Variants in DSCAML1 observed in about 807,000 individuals in gnomAD.
DSCAML1 encodes the protein DS cell adhesion molecule like 1, also known as cell adhesion molecule DSCAML1.
A neutral mutation model predicts 200.5 loss-of-function variants in DSCAML1; 38 were observed. The ratio of observed to expected loss-of-function variants is 0.19; its 90% CI spans 0.15 to 0.25. The LOEUF is 0.25. DSCAML1 is among the 10% of genes least tolerant of loss of function. The pLI, the probability that DSCAML1 is intolerant of heterozygous loss-of-function variation, is 1.00. For missense variants in DSCAML1, 2,223 were observed against 2,858.8 expected, an observed-to-expected ratio of 0.78 and a Z score of 5.07; for synonymous variants, 1,215 against 1,165.0, an observed-to-expected ratio of 1.04 and a Z score of -0.87.
At chr11:117,490,087 G>A (rs191886768) in intron 11 of DSCAML1, among the ~76,000 whole-genome samples, 10 of 152,242 alleles carry the variant, frequency 6.6e-5, no homozygotes, top group Admixed American at 1.3e-4. Flanking sequence ...AGATGGGCAG[G>A]CACCCCTCAA....
chr11:117,428,874 C>T, intron 32 of DSCAML1, 71 bp from the exon 33 acceptor site: 1 of 1,398,476 alleles, frequency 7.2e-7, no homozygotes, highest in Non-Finnish European at 9.7e-7. Context: ...CAGCCCCCAC[C>T]CCATCCCCTG....
intron 3 of DSCAML1, among the ~76,000 whole-genome samples, chr11:117,679,257 G>T (rs1426925425): frequency 6.6e-6 from 1 of 152,162 alleles, no homozygotes; most frequent in East Asian, 1.9e-4. Flanking sequence ...TGCCCTAGAG[G>T]CCCAGGCAGA....
intron 3 of DSCAML1, among the ~76,000 whole-genome samples, chr11:117,556,578 A>C (rs1453039840): frequency 6.6e-6 from 1 of 152,138 alleles, no homozygotes; most frequent in Admixed American, 6.5e-5. Flanking sequence ...GGGTGGTGGA[A>C]AAAGGTGAAG....
intron 3 of DSCAML1, among the ~76,000 whole-genome samples, chr11:117,560,711 G>C (rs939781025): frequency 6.6e-6 from 1 of 152,210 alleles, no homozygotes; most frequent in African/African-American, 2.4e-5. Context: ...CTGAGACTCA[G>C]AGTGTCAGAG....
At chr11:117,719,714 A>C (rs747677856) in intron 3 of DSCAML1, among the ~76,000 whole-genome samples, 5 of 152,236 alleles carry the variant, frequency 3.3e-5, no homozygotes, top group African/African-American at 1.2e-4. Context: ...ACAGCTCAAA[A>C]GTGGCAGAGC....
chr11:117,790,995 G>A (rs144756133), intron 1 of DSCAML1, among the ~76,000 whole-genome samples: 2 of 152,364 alleles, frequency 1.3e-5, no homozygotes, highest in Non-Finnish European at 2.9e-5. Flanking sequence ...GTTAGTGCAA[G>A]CATCATGTAG....
chr11:117,596,129 T>TA (rs1378306630), intron 3 of DSCAML1, among the ~76,000 whole-genome samples: 2 of 152,174 alleles, frequency 1.3e-5, no homozygotes, highest in Admixed American at 1.3e-4. Context: ...TTCACAGCCC[T>TA]AAACAAAATT....
chr11:117,461,368 C>T (rs190010759), intron 18 of DSCAML1, 82 bp downstream of exon 18: 1 of 1,583,216 alleles, frequency 6.3e-7, no homozygotes, highest in East Asian at 2.2e-5. Flanking sequence ...GGAGGATGCT[C>T]AGCTCTAACT....
At chr11:117,790,408 C>G (rs2055439238) in intron 1 of DSCAML1, among the ~76,000 whole-genome samples, 1 of 152,238 alleles carries the variant, frequency 6.6e-6, no homozygotes, top group Non-Finnish European at 1.5e-5. Flanking sequence ...CTATTGCCAG[C>G]CTGGCTGTGC....
intron 3 of DSCAML1, among the ~76,000 whole-genome samples, chr11:117,773,178 C>T (rs778391243): frequency 3.0e-4 from 46 of 152,166 alleles, no homozygotes; most frequent in African/African-American, 8.7e-4. Context: ...CAGAAAGAGG[C>T]GTGGGAGAGC....
intron 3 of DSCAML1, among the ~76,000 whole-genome samples, chr11:117,674,915 A>G (rs1473243630): frequency 1.3e-5 from 2 of 152,170 alleles, no homozygotes; most frequent in African/African-American, 4.8e-5. Flanking sequence ...TAAGAACCAC[A>G]TGGAATGATC....
chr11:117,777,297 A>G (rs1042585787), intron 2 of DSCAML1, among the ~76,000 whole-genome samples: 3 of 152,222 alleles, frequency 2.0e-5, no homozygotes, highest in African/African-American at 7.2e-5. Context: ...CTGCAATGTT[A>G]TATTCACCAA....
intron 3 of DSCAML1, among the ~76,000 whole-genome samples, chr11:117,604,422 G>T (rs1439468975): frequency 6.6e-6 from 1 of 151,738 alleles, no homozygotes; most frequent in African/African-American, 2.4e-5. Context: ...CCCAGCGCCT[G>T]CCCCTCCCTC....
At chr11:117,549,141 C>A (rs527600591) in intron 3 of DSCAML1, among the ~76,000 whole-genome samples, 3 of 152,310 alleles carry the variant, frequency 2.0e-5, no homozygotes, top group Admixed American at 6.5e-5. Flanking sequence ...CACCTTCCCA[C>A]TCCGGGGGTC....
At chr11:117,737,505 G>A (rs1459941626) in intron 3 of DSCAML1, among the ~76,000 whole-genome samples, 1 of 152,212 alleles carries the variant, frequency 6.6e-6, no homozygotes, top group Non-Finnish European at 1.5e-5. Context: ...TCCAAGACCG[G>A]GACAGCAGGA....
chr11:117,683,312 T>C (rs146250161), intron 3 of DSCAML1, among the ~76,000 whole-genome samples: 282 of 152,332 alleles, frequency 1.9e-3, no homozygotes, highest in African/African-American at 6.4e-3. Flanking sequence ...CGTCCCAGCC[T>C]GCATCTTTTC....
intron 3 of DSCAML1, among the ~76,000 whole-genome samples, chr11:117,575,570 T>G (rs891330492): frequency 6.6e-6 from 1 of 152,210 alleles, no homozygotes; most frequent in Non-Finnish European, 1.5e-5. Flanking sequence ...GACTCCTGCA[T>G]GAGAAGAGCT....
At position 117,437,026 on chromosome 11, in the gene DSCAML1, A is replaced by G. The variant is rs1314482765; in HGVS notation, c.4720+96T>C. On this transcript the variant is annotated intron_variant, in intron 26 of 32. Transcript: ENST00000651296. The surrounding 1 kb of genome is among the most constrained non-coding windows in gnomAD (Gnocchi z 5.3). ...CACCTGCATTCCTGCCTGTTTTTCT[A>G]TTAGTCTGTCTCTTTATGTATCTGC... 1.8e-5 allele frequency: 26 copies of G among 1,467,712 alleles called. No individual in the cohort carries two copies. The highest frequency in any genetic ancestry group is 2.3e-5 in the Non-Finnish European group (25 of 1,097,504). The allele number at this position is 1,467,712 out of a possible 1,614,324, so 90.9% of individuals were successfully genotyped here.
At chr11:117,783,928 C>G (rs1249308613) in intron 1 of DSCAML1, among the ~76,000 whole-genome samples, 1 of 152,180 alleles carries the variant, frequency 6.6e-6, no homozygotes. Flanking sequence ...TCCCCAGGCC[C>G]CCTCTACTCC....
Sources: gnomAD v4.1 joint callset for allele counts (sites outside exome capture counted in the v4.1 genomes callset) on GRCh38, gnomAD v4.1.1 for gene constraint, Gnocchi (gnomAD v3.1) non-coding constraint, MANE v1.5 for transcripts, NCBI Gene and HGNC (gene_info 2026-07-23, HGNC 2026-07-21) for gene names.